The following ZNF462 variants were observed in gnomAD, a reference collection of about 807,000 sequenced individuals.
ZNF462 encodes zinc finger PBX1-interacting protein.
A neutral mutation model predicts 201.9 loss-of-function variants in ZNF462; 10 were observed. That is an observed-to-expected ratio of 0.05 (90% CI 0.03 to 0.08). The LOEUF is 0.08. Ranked by LOEUF, ZNF462 falls within the 10% of genes least tolerant of loss-of-function variation. The probability of loss-of-function intolerance (pLI) is 1.00; values close to 1 mark genes in which losing one functional copy is unlikely to be tolerated. For missense variants in ZNF462, 2,523 were observed against 3,168.3 expected, an observed-to-expected ratio of 0.80 and a Z score of 4.89; for synonymous variants, 1,227 against 1,193.3, an observed-to-expected ratio of 1.03 and a Z score of -0.58.
chr9:107,007,634 GA>G (rs1383658426), intron 11 of ZNF462, among the ~76,000 whole-genome samples: 1 of 152,180 alleles, frequency 6.6e-6, no homozygotes, highest in East Asian at 1.9e-4. Context: ...CCTTTGAATA[GA>G]CCAAGAATCA....
rs1200124645 is a variant in ZNF462, at chr9:106,895,719, C to G, written c.-30-27635C>G. Among the ~76,000 whole-genome samples, 1 of 152,152 alleles carries G rather than the reference C, an allele frequency of 6.6e-6. No individual in the cohort carries two copies. The highest frequency in any genetic ancestry group is 1.5e-5 in the Non-Finnish European group (1 of 68,022). ...GTCCTGTTGTCTTTCTTTGCTAAAA[C>G]CTATGTTAGTTCTAGTGACCTGTGC... On this transcript the variant is annotated intron_variant, in intron 1 of 12. Coordinates refer to ENST00000277225, the MANE Select transcript of ZNF462 (RefSeq NM_021224.6). The surrounding 1 kb of genome is among the most constrained non-coding windows in gnomAD (Gnocchi z 4.4).
intron 1 of ZNF462, among the ~76,000 whole-genome samples, chr9:106,866,303 T>G (rs1827327453): frequency 6.6e-6 from 1 of 152,242 alleles, no homozygotes; most frequent in Non-Finnish European, 1.5e-5. Context: ...GAAGTGGTTT[T>G]AGATTCCAGA....
At position 106,932,301 on chromosome 9, in the gene ZNF462, A is replaced by G. The variant is rs1038806741; in HGVS notation, c.6013-145A>G. The G allele has an allele frequency of 6.4e-7, 1 of 1,552,422 alleles. No individual in the cohort carries two copies. The highest frequency in any genetic ancestry group is 2.0e-5 in the Admixed American group (1 of 51,078). ...ACCCTGCCCACTTGTTCCTGGATGGATTGGAAGCAGCCAAAGACGCCAGTG... is the reference window on the plus strand; with the variant it reads ...ACCCTGCCCACTTGTTCCTGGATGGGTTGGAAGCAGCCAAAGACGCCAGTG... On this transcript the variant is annotated intron_variant, in intron 4 of 12. Transcript: ENST00000277225. This position sits in a 1 kb window ranked among gnomAD's most constrained non-coding sequence, Gnocchi z 6.8.
intron 10 of ZNF462, among the ~76,000 whole-genome samples, chr9:106,990,780 T>TC (rs1403206302): frequency 6.6e-6 from 1 of 151,992 alleles, no homozygotes; most frequent in African/African-American, 2.4e-5. Context: ...GTACTTTTTT[T>TC]CTCATTTTCT....
chr9:106,956,126 A>G (rs1326946160), intron 7 of ZNF462, among the ~76,000 whole-genome samples: 2 of 152,182 alleles, frequency 1.3e-5, no homozygotes, highest in Non-Finnish European at 1.5e-5. Flanking sequence ...AGAAGAATTC[A>G]TCGGAAGAAT....
intron 7 of ZNF462, among the ~76,000 whole-genome samples, chr9:106,959,132 T>C (rs1435125379): frequency 2.6e-5 from 4 of 152,102 alleles, no homozygotes; most frequent in African/African-American, 9.7e-5. Flanking sequence ...GGTTGAGCCC[T>C]GCCTTTGAGC....
At chr9:106,939,747 GAA>G (rs1830786305) in intron 7 of ZNF462, among the ~76,000 whole-genome samples, 1 of 152,190 alleles carries the variant, frequency 6.6e-6, no homozygotes, top group Non-Finnish European at 1.5e-5. Context: ...GTAGGGGAGA[GAA>G]AGAGTCCAGA....
In ZNF462 at chr9:106,890,329, C is replaced by G. The variant is rs1445122616; in HGVS notation, c.-31+26974C>G. Reference sequence around the variant, plus strand: ...AGTCAACCCGGCAACACATGCAGTGCCCCTTCCGGGAACACTGGTGATCTT... The same window carrying G: ...AGTCAACCCGGCAACACATGCAGTGGCCCTTCCGGGAACACTGGTGATCTT... On this transcript the variant is annotated intron_variant, in intron 1 of 12. Coordinates refer to ENST00000277225, the MANE Select transcript of ZNF462 (RefSeq NM_021224.6). This position sits in a 1 kb window ranked among gnomAD's most constrained non-coding sequence, Gnocchi z 4.2. 6.6e-6 allele frequency among the ~76,000 whole-genome samples: 1 copy of G among 152,202 alleles called. No individual in the cohort carries two copies. The highest frequency in any genetic ancestry group is 1.5e-5 in the Non-Finnish European group (1 of 68,040).
Position 106,895,982 on chromosome 9 carries a change from G to T in ZNF462, c.-30-27372G>T, listed in dbSNP as rs964925487. ...AACAAGAACATTCATTATCTAACCC[G>T]CCCTTTCTAGCCTTAAATCATGTCC... is the stretch of plus-strand genomic sequence containing the variant. On this transcript the variant is annotated intron_variant, in intron 1 of 12. Transcript: ENST00000277225. This position sits in a 1 kb window ranked among gnomAD's most constrained non-coding sequence, Gnocchi z 4.4. 2.0e-5 allele frequency among the ~76,000 whole-genome samples: 3 copies of T among 151,972 alleles called. No homozygotes were observed. The highest frequency in any genetic ancestry group is 4.4e-5 in the Non-Finnish European group (3 of 67,990).
rs567520185 is a variant in ZNF462, at chr9:106,917,938, G to A, written c.-30-5416G>A. Among the ~76,000 whole-genome samples, 181 of 151,232 alleles carry A rather than the reference G, an allele frequency of 1.2e-3. No homozygotes were observed. Among genetic ancestry groups the A allele is most frequent in the African/African-American group, 4.1e-3 (170 of 41,176 alleles). ...GCCACCCAGGCTGGAGTGCAGTGGC[G>A]CGATCTCGGCTCACTGCAACCTTCT... On this transcript the variant is annotated intron_variant, in intron 1 of 12. Coordinates refer to ENST00000277225, the MANE Select transcript of ZNF462 (RefSeq NM_021224.6). This position sits in a 1 kb window ranked among gnomAD's most constrained non-coding sequence, Gnocchi z 4.5.
intron 1 of ZNF462, among the ~76,000 whole-genome samples, chr9:106,910,958 G>A (rs930398072): frequency 3.3e-5 from 5 of 152,152 alleles, no homozygotes. Flanking sequence ...TATCACGAAA[G>A]CGTCATGTCA....
chr9:107,008,407 C>T lies in ZNF462; in HGVS notation c.7190-1138C>T, dbSNP rs1409223164. Among the ~76,000 whole-genome samples the T allele has an allele frequency of 6.6e-6, 1 of 152,198 alleles. No individual in the cohort carries two copies. Among genetic ancestry groups the T allele is most frequent in the Non-Finnish European group, 1.5e-5 (1 of 68,038 alleles). ...ATTAAGGCATCACAGAGCCCCCCATCCTGTTAACATCGTCCTGAGAATCTT... is the reference window on the plus strand; with the variant it reads ...ATTAAGGCATCACAGAGCCCCCCATTCTGTTAACATCGTCCTGAGAATCTT... On this transcript the variant is annotated intron_variant, in intron 11 of 12. Transcript: ENST00000277225. This position sits in a 1 kb window ranked among gnomAD's most constrained non-coding sequence, Gnocchi z 4.8.
Position 106,942,007 on chromosome 9 carries a change from A to G in ZNF462, c.6427+2900A>G, listed in dbSNP as rs1010631791. ...TTTAATAGAGAGAAGCTGTGGGGCT[A>G]TTGGCTCACAGTTAAGGTTTCCCAC... On this transcript the variant is annotated intron_variant, in intron 7 of 12. Coordinates refer to ENST00000277225, the MANE Select transcript of ZNF462 (RefSeq NM_021224.6). Among the ~76,000 whole-genome samples the G allele has an allele frequency of 3.9e-5, 6 of 152,344 alleles. No homozygotes were observed. In the East Asian group the frequency reaches 5.8e-4, roughly 15 times the overall value.
At position 106,872,941 on chromosome 9, in the gene ZNF462, G is replaced by C. The variant is rs1447769611; in HGVS notation, c.-31+9586G>C. Among the ~76,000 whole-genome samples the C allele has an allele frequency of 1.3e-5, 2 of 151,994 alleles. No individual in the cohort carries two copies. The highest frequency in any genetic ancestry group is 1.3e-4 in the Admixed American group (2 of 15,268). ...AATATGAACCAGGGACTGTTCATAC[G>C]GTAGAGGAAACTGAGGTTTAGGGAG... On this transcript the variant is annotated intron_variant, in intron 1 of 12. Transcript: ENST00000277225. This position sits in a 1 kb window ranked among gnomAD's most constrained non-coding sequence, Gnocchi z 4.5.
intron 1 of ZNF462, among the ~76,000 whole-genome samples, chr9:106,910,893 G>A (rs1215660191): frequency 1.3e-5 from 2 of 152,044 alleles, no homozygotes; most frequent in Non-Finnish European, 2.9e-5. Flanking sequence ...TAGCTTTAGG[G>A]CAACAATCAA....
intron 7 of ZNF462, among the ~76,000 whole-genome samples, chr9:106,969,390 A>G (rs1490449102): frequency 6.6e-6 from 1 of 152,222 alleles, no homozygotes; most frequent in Non-Finnish European, 1.5e-5. Flanking sequence ...GAGTTAAAAT[A>G]TAGAATTTGT....
intron 7 of ZNF462, among the ~76,000 whole-genome samples, chr9:106,955,394 T>G (rs1310285206): frequency 6.6e-6 from 1 of 152,178 alleles, no homozygotes; most frequent in Non-Finnish European, 1.5e-5. Flanking sequence ...AAAAAATGAT[T>G]TATTGCTAAA....
Position 106,966,885 on chromosome 9 carries a change from G to A in ZNF462, c.6428-5120G>A, listed in dbSNP as rs577265823. ...AAATCTAGCTCAAATATAATTAAATGTACTCGCTGGCACCAAGGTACTTCT... is the reference window on the plus strand; with the variant it reads ...AAATCTAGCTCAAATATAATTAAATATACTCGCTGGCACCAAGGTACTTCT... On this transcript the variant is annotated intron_variant, in intron 7 of 12. Coordinates refer to ENST00000277225, the MANE Select transcript of ZNF462 (RefSeq NM_021224.6). This position sits in a 1 kb window ranked among gnomAD's most constrained non-coding sequence, Gnocchi z 4.4. 1.3e-5 allele frequency among the ~76,000 whole-genome samples: 2 copies of A among 152,088 alleles called. No individual in the cohort carries two copies. Among genetic ancestry groups the A allele is most frequent in the Non-Finnish European group, 2.9e-5 (2 of 68,008 alleles).
chr9:106,940,889 A>C (rs1189616214), intron 7 of ZNF462, among the ~76,000 whole-genome samples: 1 of 152,204 alleles, frequency 6.6e-6, no homozygotes, highest in Non-Finnish European at 1.5e-5. Context: ...TATTGCAACC[A>C]GAAGGGCAAA....
Sources: gnomAD v4.1 joint callset for allele counts (sites outside exome capture counted in the v4.1 genomes callset) on GRCh38, gnomAD v4.1.1 for gene constraint, Gnocchi (gnomAD v3.1) non-coding constraint, MANE v1.5 for transcripts, NCBI Gene and HGNC (gene_info 2026-07-23, HGNC 2026-07-21) for gene names.